TMEM178B: variants seen among roughly 807,000 people sequenced by gnomAD.
TMEM178B encodes transmembrane protein 178B.
In TMEM178B, 5 loss-of-function variants were observed where a neutral mutation model predicts 31.0. That is an observed-to-expected ratio of 0.16 (90% CI 0.08 to 0.34). The LOEUF (loss-of-function observed/expected upper bound fraction) is 0.34. Among genes scored for constraint, TMEM178B ranks in the 10% least tolerant of loss-of-function variants. The pLI is 1.00. For missense variants in TMEM178B, 275 were observed against 400.3 expected (o/e 0.69, Z 2.67); for synonymous variants, 164 against 164.0 (o/e 1.00, Z 0.00).
chr7:141,439,135 G>C (rs1396398591), intron 3 of TMEM178B, among the ~76,000 whole-genome samples: 1 of 152,108 alleles, frequency 6.6e-6, no homozygotes, highest in African/African-American at 2.4e-5. Flanking sequence ...GATCTTGGGG[G>C]TTAGTGAGCT....
intron 1 of TMEM178B, among the ~76,000 whole-genome samples, chr7:141,204,039 C>A (rs900810113): frequency 6.6e-6 from 1 of 152,162 alleles, no homozygotes; most frequent in East Asian, 1.9e-4. Context: ...TCAAAGTAAC[C>A]GCAAGACTAA....
At chr7:141,380,302 T>C (rs183584583) in intron 2 of TMEM178B, among the ~76,000 whole-genome samples, 20 of 152,320 alleles carry the variant, frequency 1.3e-4, no homozygotes, top group African/African-American at 4.6e-4. Context: ...TTAAGTCATA[T>C]TCTGTTATTT....
chr7:141,383,173 TA>T (rs201355905), intron 2 of TMEM178B, among the ~76,000 whole-genome samples: 20,810 of 151,108 alleles, frequency 0.14, 1,522 homozygotes, highest in Non-Finnish European at 0.17. Flanking sequence ...TCTTTTTTTT[TA>T]AAGTCTAGCT....
At chr7:141,414,902 G>A (rs1480354327) in intron 2 of TMEM178B, 1 of 152,208 alleles carries the variant, frequency 6.6e-6, no homozygotes, top group African/African-American at 2.4e-5. Flanking sequence ...AAGCTCAGTT[G>A]ATCATTTCCA....
At chr7:141,216,211 A>G (rs543745943) in intron 2 of TMEM178B, among the ~76,000 whole-genome samples, 1 of 152,180 alleles carries the variant, frequency 6.6e-6, no homozygotes, top group African/African-American at 2.4e-5. Flanking sequence ...TTCAAGTAGG[A>G]AAAGGCACAA....
the TMEM178B span, among the ~76,000 whole-genome samples, chr7:141,498,932 C>T: frequency 2.0e-5 from 3 of 152,092 alleles, no homozygotes; most frequent in African/African-American, 7.2e-5. Context: ...GGATGCCAGT[C>T]GTGGAAAGTC....
chr7:141,376,291 A>AT (rs1800213095), intron 2 of TMEM178B, among the ~76,000 whole-genome samples: 1 of 152,248 alleles, frequency 6.6e-6, no homozygotes, highest in Non-Finnish European at 1.5e-5. Flanking sequence ...TTAGGCAAGT[A>AT]TTATTAACTG....
intron 2 of TMEM178B, among the ~76,000 whole-genome samples, chr7:141,266,335 C>T (rs775940462): frequency 1.3e-4 from 20 of 152,122 alleles, no homozygotes; most frequent in Non-Finnish European, 2.5e-4. Flanking sequence ...GGTTGGACAC[C>T]TCACCCCAGT....
chr7:141,094,298 T>A (rs1390915908), intron 1 of TMEM178B, among the ~76,000 whole-genome samples: 1 of 152,244 alleles, frequency 6.6e-6, no homozygotes, highest in African/African-American at 2.4e-5. Context: ...TTACTCACAT[T>A]ACAACCTAAT....
chr7:141,458,403 A>G (rs1802004208), intron 3 of TMEM178B, among the ~76,000 whole-genome samples: 1 of 152,196 alleles, frequency 6.6e-6, no homozygotes, highest in Non-Finnish European at 1.5e-5. Flanking sequence ...TCTAGGAGAT[A>G]AGTTCCATTA....
At chr7:141,455,873 G>A (rs1391174524) in intron 3 of TMEM178B, among the ~76,000 whole-genome samples, 1 of 152,254 alleles carries the variant, frequency 6.6e-6, no homozygotes, top group South Asian at 2.1e-4. Flanking sequence ...AAACCAGGTG[G>A]CAGGCTTGCC....
At chr7:141,225,054 C>T (rs990620386) in intron 2 of TMEM178B, among the ~76,000 whole-genome samples, 2 of 152,196 alleles carry the variant, frequency 1.3e-5, no homozygotes, top group African/African-American at 4.8e-5. Flanking sequence ...CAGTGCCTAC[C>T]ATGCGGGCAT....
the TMEM178B span, among the ~76,000 whole-genome samples, chr7:141,494,396 T>C: frequency 1.3e-5 from 2 of 152,216 alleles, no homozygotes; most frequent in Non-Finnish European, 2.9e-5. Flanking sequence ...AATTTTTAGA[T>C]TTATATGTCC....
intron 2 of TMEM178B, among the ~76,000 whole-genome samples, chr7:141,323,360 G>A (rs1183059431): frequency 6.6e-6 from 1 of 152,068 alleles, no homozygotes; most frequent in Non-Finnish European, 1.5e-5. Context: ...AAACATATGA[G>A]ATACATACAT....
At chr7:141,079,411 CG>C (rs1794649161) in intron 1 of TMEM178B, among the ~76,000 whole-genome samples, 1 of 152,170 alleles carries the variant, frequency 6.6e-6, no homozygotes, top group South Asian at 2.1e-4. Flanking sequence ...TTCCCACCAT[CG>C]GAGAAAATTC....
downstream of TMEM178B, among the ~76,000 whole-genome samples, chr7:141,485,055 C>T (rs1802533412): frequency 6.6e-6 from 1 of 152,096 alleles, no homozygotes; most frequent in Non-Finnish European, 1.5e-5. Context: ...GAGCAGGTGT[C>T]AGGGAAGCAT....
intron 2 of TMEM178B, among the ~76,000 whole-genome samples, chr7:141,430,902 G>A (rs977027589): frequency 2.6e-5 from 4 of 152,066 alleles, no homozygotes; most frequent in East Asian, 1.9e-4. Context: ...ATGAATGTCC[G>A]GCTCTCAGGG....
intron 1 of TMEM178B, among the ~76,000 whole-genome samples, chr7:141,160,366 G>T (rs1264056733): frequency 6.6e-6 from 1 of 152,054 alleles, no homozygotes; most frequent in Non-Finnish European, 1.5e-5. Context: ...CTCCTTGAAG[G>T]CTCCGAGCTC....
chr7:141,463,179 GTAAT>G (rs1346473866), intron 3 of TMEM178B, among the ~76,000 whole-genome samples: 2 of 152,156 alleles, frequency 1.3e-5, no homozygotes, highest in Non-Finnish European at 2.9e-5. Flanking sequence ...CACAGAAAGG[GTAAT>G]TAGTTTTCGT....
Sources: allele counts gnomAD v4.1 joint callset (sites outside exome capture counted in the v4.1 genomes callset), GRCh38; gene constraint gnomAD v4.1.1; transcripts MANE v1.5; gene names NCBI Gene and HGNC (gene_info 2026-07-23, HGNC 2026-07-21).